SENP7: variants seen among roughly 807,000 people sequenced by gnomAD.
SENP7 encodes the protein SUMO specific peptidase 7, also known as sentrin-specific protease 7.
SENP7 carries 64 observed loss-of-function variants against 141.2 expected under a neutral mutation model. The observed-to-expected ratio is 0.45, with a 90% CI of 0.37 to 0.56. SENP7 has a LOEUF of 0.56. SENP7 is among the 20% of genes least tolerant of loss of function. SENP7 has a pLI of 0.00. For missense variants in SENP7, 1,025 were observed against 1,212.2 expected, an observed-to-expected ratio of 0.85 and a Z score of 2.29; for synonymous variants, 382 against 426.4, an observed-to-expected ratio of 0.90 and a Z score of 1.28.
chr3:101,504,218 G>A (rs547476167), intron 1 of SENP7, among the ~76,000 whole-genome samples: 5 of 151,796 alleles, frequency 3.3e-5, no homozygotes, highest in South Asian at 2.1e-4. Flanking sequence ...ATGGGAGGCC[G>A]AGGTGGTTGG....
At chr3:101,356,360 C>T (rs1240515172) in intron 11 of SENP7, among the ~76,000 whole-genome samples, 1 of 151,966 alleles carries the variant, frequency 6.6e-6, no homozygotes, top group African/African-American at 2.4e-5. Flanking sequence ...ATATGCTTTC[C>T]CATGTGAATA....
chr3:101,337,743 G>T, intron 16 of SENP7, 112 bp from the exon 17 acceptor site: 2 of 960,102 alleles, frequency 2.1e-6, no homozygotes, highest in Non-Finnish European at 1.5e-6. Flanking sequence ...TTGATTCAAA[G>T]CAATCTTGCA....
intron 14 of SENP7, among the ~76,000 whole-genome samples, chr3:101,342,147 A>G (rs1301097225): frequency 1.3e-5 from 2 of 152,164 alleles, no homozygotes; most frequent in African/African-American, 4.8e-5. Flanking sequence ...TATATAAACA[A>G]TATAATTAGG....
intron 18 of SENP7, 147 bp downstream of exon 18, chr3:101,332,623 T>C (rs544201187): frequency 3.3e-5 from 15 of 455,782 alleles, no homozygotes; most frequent in African/African-American, 3.0e-4. Context: ...AAGGAATTCA[T>C]TGCCTTAGCT....
At chr3:101,491,091 A>C (rs1409582759) in intron 3 of SENP7, among the ~76,000 whole-genome samples, 1 of 151,954 alleles carries the variant, frequency 6.6e-6, no homozygotes, top group Non-Finnish European at 1.5e-5. Flanking sequence ...TTAGAGAAAA[A>C]GGACAGAACG....
chr3:101,401,001 G>A (rs1217724874), intron 5 of SENP7, among the ~76,000 whole-genome samples: 1 of 151,774 alleles, frequency 6.6e-6, no homozygotes, highest in Non-Finnish European at 1.5e-5. Context: ...GGGAAGCTGA[G>A]AGAGGAGCAT....
intron 6 of SENP7, among the ~76,000 whole-genome samples, chr3:101,397,042 C>T (rs972644856): frequency 6.6e-6 from 1 of 152,136 alleles, no homozygotes; most frequent in African/African-American, 2.4e-5. Flanking sequence ...AAGGTTTCAC[C>T]ATGTTGGTCA....
At chr3:101,467,342 A>G (rs2063796475) in intron 3 of SENP7, among the ~76,000 whole-genome samples, 1 of 152,258 alleles carries the variant, frequency 6.6e-6, no homozygotes, top group Admixed American at 6.5e-5. Flanking sequence ...TTCTCCCAGC[A>G]CAGCGTTTGA....
intron 3 of SENP7, among the ~76,000 whole-genome samples, chr3:101,477,025 TA>T (rs1380628155): frequency 2.0e-5 from 3 of 152,174 alleles, no homozygotes; most frequent in Non-Finnish European, 4.4e-5. Context: ...ATAGATTGCA[TA>T]AATTTTCTCC....
intron 14 of SENP7, 110 bp from the exon 15 acceptor site, chr3:101,341,889 T>G: frequency 9.2e-7 from 1 of 1,085,980 alleles, no homozygotes; most frequent in Non-Finnish European, 1.3e-6. Flanking sequence ...CCCTATGAAT[T>G]ATATCTATAC....
chr3:101,382,069 G>A (rs1445820883), intron 6 of SENP7, among the ~76,000 whole-genome samples: 1 of 152,166 alleles, frequency 6.6e-6, no homozygotes, highest in African/African-American at 2.4e-5. Flanking sequence ...ATTTAAAATA[G>A]CAATTTGATC....
chr3:101,373,686 A>C lies in SENP7; in HGVS notation c.678-1560T>G, dbSNP rs367731676. ...TTAAGTAGTTGGCATGAAACCAAAA[A>C]TAAAAATGAGTATTTTCAAAAGGTA... is the stretch of plus-strand genomic sequence containing the variant. On this transcript the variant is annotated intron_variant, in intron 6 of 23. Coordinates refer to ENST00000394095, the MANE Select transcript of SENP7 (RefSeq NM_020654.5). Among the ~76,000 whole-genome samples, 55 of 152,354 alleles carry C rather than the reference A, an allele frequency of 3.6e-4. 3 individuals are homozygous for C. The highest frequency in any genetic ancestry group is 2.9e-3 in the East Asian group (15 of 5,194).
intron 3 of SENP7, among the ~76,000 whole-genome samples, chr3:101,481,021 T>C (rs1312436144): frequency 1.3e-5 from 2 of 150,118 alleles, no homozygotes; most frequent in African/African-American, 4.9e-5. Context: ...ACATACACTG[T>C]TGGTGGGAAT....
intron 7 of SENP7, among the ~76,000 whole-genome samples, chr3:101,369,333 T>C (rs1473917473): frequency 6.6e-6 from 1 of 152,210 alleles, no homozygotes; most frequent in Non-Finnish European, 1.5e-5. Context: ...GGAACGTTCT[T>C]CAACACCATA....
rs115843391 is a variant in SENP7, at chr3:101,435,079, T to C, written c.285-17289A>G. On this transcript the variant is annotated intron_variant, in intron 4 of 23. Coordinates refer to ENST00000394095, the MANE Select transcript of SENP7 (RefSeq NM_020654.5). ...TTAGACAGCTCATTCATCATAACCA[T>C]GTGGGATTTATCCCTATGATGCAAA... Among the ~76,000 whole-genome samples, 930 of 152,164 alleles carry C rather than the reference T, an allele frequency of 6.1e-3. 6 individuals are homozygous for C. The highest frequency in any genetic ancestry group is 0.022 in the African/African-American group (896 of 41,544).
chr3:101,480,228 A>T (rs1157588595), intron 3 of SENP7, among the ~76,000 whole-genome samples: 1 of 152,164 alleles, frequency 6.6e-6, no homozygotes, highest in Non-Finnish European at 1.5e-5. Flanking sequence ...TTCCTGAGAA[A>T]ACAGAACAAA....
At position 101,429,826 on chromosome 3, in the gene SENP7, T is replaced by G. The variant is rs558580266; in HGVS notation, c.285-12036A>C. Among the ~76,000 whole-genome samples, 2 of 152,308 alleles carry G rather than the reference T, an allele frequency of 1.3e-5. 1 individual carries two copies. The highest frequency in any genetic ancestry group is 2.9e-5 in the Non-Finnish European group (2 of 68,012). ...ATTCAGTATGATATTGGCTGTGGGT[T>G]TGTCATAAATAGCTCTTATTATTTT... is the stretch of plus-strand genomic sequence containing the variant. On this transcript the variant is annotated intron_variant, in intron 4 of 23. Transcript: ENST00000394095.
chr3:101,478,227 T>C (rs1284964978), intron 3 of SENP7, among the ~76,000 whole-genome samples: 1 of 151,860 alleles, frequency 6.6e-6, no homozygotes, highest in Non-Finnish European at 1.5e-5. Context: ...ATAACAAGAC[T>C]GAGTGAGTAG....
chr3:101,489,153 G>A (rs2064854806), intron 3 of SENP7, among the ~76,000 whole-genome samples: 1 of 152,080 alleles, frequency 6.6e-6, no homozygotes, highest in South Asian at 2.1e-4. Context: ...CAAGAAAGAG[G>A]TCCTTAAGGG....
Sources: allele counts gnomAD v4.1 joint callset (sites outside exome capture counted in the v4.1 genomes callset), GRCh38; gene constraint gnomAD v4.1.1; transcripts MANE v1.5; gene names NCBI Gene and HGNC (gene_info 2026-07-23, HGNC 2026-07-21).